The following ACAN variants were observed in gnomAD, a reference collection of about 807,000 sequenced individuals.
The protein encoded by ACAN is aggrecan.
ACAN carries 47 observed loss-of-function variants against 169.1 expected under a neutral mutation model. That is an observed-to-expected ratio of 0.28 (90% CI 0.22 to 0.35). The LOEUF is 0.35. Among genes scored for constraint, ACAN ranks in the 10% least tolerant of loss-of-function variants. The probability of loss-of-function intolerance (pLI) is 1.00; values close to 1 mark genes in which losing one functional copy is unlikely to be tolerated. For synonymous variants in ACAN, 1,115 were observed against 1,112.2 expected (o/e 1.00, Z -0.05); for missense variants, 2,716 against 2,759.9 (o/e 0.98, Z 0.36).
At position 88,838,554 on chromosome 15, in the gene ACAN, G is replaced by A. The variant is rs560531407; in HGVS notation, c.71-109G>A. The A allele has an allele frequency of 3.9e-5, 51 of 1,316,070 alleles. No individual in the cohort carries two copies. Among genetic ancestry groups the A allele is most frequent in the East Asian group, 2.3e-4 (10 of 42,976 alleles). The allele number at this position is 1,316,070 out of a possible 1,614,324, so 81.5% of individuals were successfully genotyped here. A position where few individuals can be genotyped will look rare whatever the true frequency, so the allele number is the denominator to read the frequency against. ...CATCATAGAGACAGACACACTCATC[G>A]GATTTCGCTCTCTCAGGAGAGTGCA... On this transcript the variant is annotated intron_variant, in intron 2 of 18. Transcript: ENST00000560601. This position sits in a 1 kb window ranked among gnomAD's most constrained non-coding sequence, Gnocchi z 5.1.
At chr15:88,859,468 G>GC in intron 12 of ACAN, 51 bp downstream of exon 12, 1 of 1,550,626 alleles carries the variant, frequency 6.4e-7, no homozygotes, top group Non-Finnish European at 8.7e-7. Flanking sequence ...TCAGACTGTA[G>GC]CCTACTGCAG....
chr15:88,858,238 A>G lies in ACAN; in HGVS notation c.5653A>G (p.Ser1885Gly). 1 of 1,613,960 alleles carries G rather than the reference A, an allele frequency of 6.2e-7. No homozygotes were observed. Among genetic ancestry groups the G allele is most frequent in the Non-Finnish European group, 8.5e-7 (1 of 1,179,884 alleles). Residue 1885 changes from serine to glycine, a missense_variant, in exon 12 of 19, where the codon AGT becomes GGT. Ser to Gly is a moderately conservative substitution (Grantham distance 56). Around this residue, in one of 3 missense-constraint regions of ACAN, gnomAD observed 1,389 missense variants for 1,363.7 expected, o/e 1.02. Transcript: ENST00000560601. The surrounding 1 kb of genome is among the most constrained non-coding windows in gnomAD (Gnocchi z 4.0). ...ACAGTTTTCTGGAACAGTCGATTCC[A>G]GTGGGTTTACATCCCAGACTCCGGA... The part of the protein sequence containing the change: ...SGQFSGTVDS[S>G]GFTSQTPEFS...
At chr15:88,826,675 A>G (rs767215968) in intron 1 of ACAN, among the ~76,000 whole-genome samples, 10 of 152,232 alleles carry the variant, frequency 6.6e-5, no homozygotes, top group Admixed American at 2.0e-4. Context: ...ACTGGAAGAG[A>G]TTTGGGTTTC....
intron 13 of ACAN, among the ~76,000 whole-genome samples, chr15:88,863,159 T>A (rs575467532): frequency 6.6e-6 from 1 of 152,292 alleles, no homozygotes; most frequent in Admixed American, 6.5e-5. Flanking sequence ...TTAAAAAAAA[T>A]TGACAATTAC....
intron 1 of ACAN, among the ~76,000 whole-genome samples, chr15:88,820,628 C>G (rs1567166695): frequency 6.6e-6 from 1 of 152,158 alleles, no homozygotes; most frequent in Non-Finnish European, 1.5e-5. Flanking sequence ...ACCTGTCCAT[C>G]AAGGCTAAAC....
chr15:88,868,213 C>T lies in ACAN; in HGVS notation c.6947-3C>T, dbSNP rs1303299212. The T allele has an allele frequency of 1.0e-5, 7 of 702,056 alleles. No homozygotes were observed. In the South Asian group the frequency reaches 1.0e-4, roughly 10 times the overall value. 43.5% of individuals were successfully genotyped at this position (702,056 alleles called of 1,614,324 possible). A position where few individuals can be genotyped will look rare whatever the true frequency, so the allele number is the denominator to read the frequency against. ...CCTAATGGTGGCCCTTGGTTTCTTGCAGACATTGATGAGTGCCTCTCAAGC... is the reference window on the plus strand; with the variant it reads ...CCTAATGGTGGCCCTTGGTTTCTTGTAGACATTGATGAGTGCCTCTCAAGC... On this transcript the variant is annotated splice_polypyrimidine_tract_variant and splice_region_variant and intron_variant, in intron 13 of 18. Transcript: ENST00000560601. The surrounding 1 kb of genome is among the most constrained non-coding windows in gnomAD (Gnocchi z 5.2).
At chr15:88,804,858 G>A (rs919438845) in intron 1 of ACAN, among the ~76,000 whole-genome samples, 1 of 152,204 alleles carries the variant, frequency 6.6e-6, no homozygotes, top group Non-Finnish European at 1.5e-5. Context: ...TGTGGGGCTG[G>A]CTGCCAGGAG....
rs992391915 is a variant in ACAN, at chr15:88,871,220, C to A, written c.7061-162C>A. Among the ~76,000 whole-genome samples the A allele has an allele frequency of 6.6e-6, 1 of 152,168 alleles. No individual in the cohort carries two copies. Among genetic ancestry groups the A allele is most frequent in the Non-Finnish European group, 1.5e-5 (1 of 68,024 alleles). On this transcript the variant is annotated intron_variant, in intron 14 of 18. Transcript: ENST00000560601. The surrounding 1 kb of genome is among the most constrained non-coding windows in gnomAD (Gnocchi z 7.8). ...TGTGCAGAGGCTCCCAGGGACCAGA[C>A]CAGTTTCCAACCTGAACTCCTCCAG...
At chr15:88,841,140 G>A (rs544866770) in intron 4 of ACAN, among the ~76,000 whole-genome samples, 27 of 152,268 alleles carry the variant, frequency 1.8e-4, no homozygotes, top group Non-Finnish European at 2.9e-4. Flanking sequence ...GCGAGACTCC[G>A]TCTCAAAAAA....
At chr15:88,816,438 G>A (rs1487166933) in intron 1 of ACAN, among the ~76,000 whole-genome samples, 1 of 152,218 alleles carries the variant, frequency 6.6e-6, no homozygotes, top group Non-Finnish European at 1.5e-5. Flanking sequence ...TAGAGACTGG[G>A]CAGGTTGAGT....
In ACAN at chr15:88,866,525, TGCTTGGAACAGTTCCA is replaced by T. The variant is rs1897283074; in HGVS notation, c.6947-1690_6947-1675del. Among the ~76,000 whole-genome samples, 1 of 152,034 alleles carries T rather than the reference TGCTTGGAACAGTTCCA, an allele frequency of 6.6e-6. No homozygotes were observed. Among genetic ancestry groups the T allele is most frequent in the African/African-American group, 2.4e-5 (1 of 41,376 alleles). On this transcript the variant is annotated intron_variant, in intron 13 of 18. Transcript: ENST00000560601. The surrounding 1 kb of genome is among the most constrained non-coding windows in gnomAD (Gnocchi z 5.6). ...TCTGTTCCTCCATGCATTTTGGGTT[TGCTTGGAACAGTTCCA>T]ACTTGGAACTGTTGGTTCTAGTCTA...
At chr15:88,835,132 C>A (rs930728401) in intron 1 of ACAN, among the ~76,000 whole-genome samples, 1 of 152,166 alleles carries the variant, frequency 6.6e-6, no homozygotes, top group Non-Finnish European at 1.5e-5. Context: ...ATCCGTTCAT[C>A]CCATAACCTC....
intron 13 of ACAN, among the ~76,000 whole-genome samples, chr15:88,862,012 C>A (rs1402044406): frequency 6.6e-6 from 1 of 152,140 alleles, no homozygotes; most frequent in Non-Finnish European, 1.5e-5. Context: ...AAGTAATTTG[C>A]CTAACTATAC....
chr15:88,825,417 A>G (rs1896189084), intron 1 of ACAN, among the ~76,000 whole-genome samples: 1 of 152,196 alleles, frequency 6.6e-6, no homozygotes, highest in African/African-American at 2.4e-5. Context: ...GGCCTCACCT[A>G]TGAAAATTCT....
In ACAN at chr15:88,855,046, G is replaced by GAGGAGCCATTCCCCTCCA; in HGVS notation, c.2471_2488dup (p.Phe824_Pro829dup). 6.3e-7 allele frequency: 1 copy of GAGGAGCCATTCCCCTCCA among 1,593,608 alleles called. No homozygotes were observed. The highest frequency in any genetic ancestry group is 8.5e-7 in the Non-Finnish European group (1 of 1,171,150). On this transcript the variant is annotated inframe_insertion, in exon 12 of 19. Transcript: ENST00000560601. Reference sequence around the variant, plus strand: ...CCCCTCAGTGGAGCTGTTCCCCTCAGAGGAGCCATTCCCCTCCAAGGAGCC... The same window carrying GAGGAGCCATTCCCCTCCA: ...CCCCTCAGTGGAGCTGTTCCCCTCAGAGGAGCCATTCCCCTCCAAGGAGCCATTCCCCTCCAAGGAGCC...
Position 88,839,955 on chromosome 15 carries a change from G to T in ACAN, c.455-57G>T, listed in dbSNP as rs909501255. The T allele has an allele frequency of 9.7e-6, 15 of 1,550,660 alleles. No individual in the cohort carries two copies. The highest frequency in any genetic ancestry group is 1.7e-4 in the Middle Eastern group (1 of 5,994). ...GCCATAATTCTGCGAGGGCCTCGGT[G>T]ATCAGAGACTGTGCCTGACCAGCTC... is the stretch of plus-strand genomic sequence containing the variant. On this transcript the variant is annotated intron_variant, in intron 3 of 18. Transcript: ENST00000560601. This position sits in a 1 kb window ranked among gnomAD's most constrained non-coding sequence, Gnocchi z 4.5.
rs765633053 is a variant in ACAN at position 88,855,034 on chromosome 15, C to T, written c.2449C>T (p.Leu817=). 7.5e-6 allele frequency: 12 copies of T among 1,592,524 alleles called. No homozygotes were observed. The highest frequency in any genetic ancestry group is 6.0e-6 in the Non-Finnish European group (7 of 1,170,916). The change falls in exon 12 of 19, where the codon CTG becomes TTG. Residue 817 remains leucine (L), a synonymous_variant. Transcript: ENST00000560601. The stretch of plus-strand genomic sequence containing the variant: ...AGTGAGGCCATTCCCCTCAGTGGAG[C>T]TGTTCCCCTCAGAGGAGCCATTCCC... ...PSVRPFPSVE[L]FPSEEPFPSK... is the part of the protein sequence containing the mutation.
intron 1 of ACAN, among the ~76,000 whole-genome samples, chr15:88,830,991 G>A (rs1177285430): frequency 1.3e-5 from 2 of 152,160 alleles, no homozygotes; most frequent in South Asian, 2.1e-4. Flanking sequence ...TGTGGCCCAT[G>A]GCTGTAGTTA....
At chr15:88,845,030 T>C (rs1896758260) in intron 6 of ACAN, among the ~76,000 whole-genome samples, 1 of 152,246 alleles carries the variant, frequency 6.6e-6, no homozygotes, top group Admixed American at 6.5e-5. Context: ...CCCTCATTTT[T>C]CCATGACTAT....
Sources: gnomAD v4.1 joint callset for allele counts (sites outside exome capture counted in the v4.1 genomes callset) on GRCh38, gnomAD v4.1.1 for gene constraint, gnomAD v4.1.1 regional missense constraint, Gnocchi (gnomAD v3.1) non-coding constraint, MANE v1.5 for transcripts, NCBI Gene and HGNC (gene_info 2026-07-23, HGNC 2026-07-21) for gene names.